The following CAMTA1 variants were observed in gnomAD, a reference collection of about 807,000 sequenced individuals.
The protein encoded by CAMTA1 is calmodulin-binding transcription activator 1.
Under a neutral mutation model 170.9 loss-of-function variants are expected in CAMTA1, and 27 were observed. That is an observed-to-expected ratio of 0.16 (90% CI 0.12 to 0.22). CAMTA1 has a LOEUF of 0.22. Among genes scored for constraint, CAMTA1 ranks in the 10% least tolerant of loss-of-function variants. The pLI, the probability that CAMTA1 is intolerant of heterozygous loss-of-function variation, is 1.00. For synonymous variants in CAMTA1, 833 were observed against 891.5 expected, an observed-to-expected ratio of 0.93 and a Z score of 1.17; for missense variants, 1,619 against 2,217.2, an observed-to-expected ratio of 0.73 and a Z score of 5.42.
intron 6 of CAMTA1, among the ~76,000 whole-genome samples, chr1:7,489,976 C>T (rs572655449): frequency 4.6e-5 from 7 of 152,300 alleles, no homozygotes; most frequent in East Asian, 1.9e-4. Flanking sequence ...CTTGGATCCC[C>T]GAGGAAATGT....
chr1:7,706,863 C>T (rs1171030010), intron 11 of CAMTA1, among the ~76,000 whole-genome samples: 4 of 147,982 alleles, frequency 2.7e-5, no homozygotes, highest in Non-Finnish European at 5.9e-5. Context: ...GATACCCTGG[C>T]GGATGCATTA....
rs796066960 is a variant in CAMTA1 at position 7,352,103 on chromosome 1, GC to G, written c.438+102479del. 1.8e-3 allele frequency among the ~76,000 whole-genome samples: 259 copies of G among 146,074 alleles called. 2 individuals carry two copies. The highest frequency in any genetic ancestry group is 6.9e-3 in the African/African-American group (247 of 35,864). On this transcript the variant is annotated intron_variant, in intron 5 of 22. Transcript: ENST00000303635. Reference sequence around the variant, plus strand: ...GCACTGGCTCCCCCGCCATGGCTGGGCCAGGATTCCAGGAGAGAGGGAAGGA... The same window carrying G: ...GCACTGGCTCCCCCGCCATGGCTGGGCAGGATTCCAGGAGAGAGGGAAGGA...
intron 3 of CAMTA1, among the ~76,000 whole-genome samples, chr1:6,984,209 T>A (rs1204931449): frequency 1.8e-5 from 2 of 112,966 alleles, no homozygotes; most frequent in Admixed American, 2.0e-4. Flanking sequence ...GGTGGGTTGA[T>A]GGGTGGGTGG....
In CAMTA1 at chr1:7,633,945, A is replaced by G. The variant is rs1299529745; in HGVS notation, c.511-6455A>G. Among the ~76,000 whole-genome samples, 3 of 152,182 alleles carry G rather than the reference A, an allele frequency of 2.0e-5. No individual in the cohort carries two copies. Among genetic ancestry groups the G allele is most frequent in the African/African-American group, 7.2e-5 (3 of 41,436 alleles). On this transcript the variant is annotated intron_variant, in intron 6 of 22. Coordinates refer to ENST00000303635, the MANE Select transcript of CAMTA1 (RefSeq NM_015215.4). The surrounding 1 kb of genome is among the most constrained non-coding windows in gnomAD (Gnocchi z 4.1). ...GTGGCATGGAGCGTGGCAGCCAGAG[A>G]CCACAGCCCAGGGAGAGAAGCGGCA...
In CAMTA1 at chr1:7,664,765, G is replaced by C; in HGVS notation, c.2218G>C (p.Val740Leu). 6.2e-7 allele frequency: 1 copy of C among 1,609,542 alleles called. No individual in the cohort carries two copies. Among genetic ancestry groups the C allele is most frequent in the Non-Finnish European group, 8.5e-7 (1 of 1,177,146 alleles). ...CGGCGTCCCCATCCTCCCGGGCAAC[G>C]TGGTGCAGGGACTCTACCCCGTGGC... ...AGGVPILPGN[V>L]VQGLYPVAQP... Residue 740 changes from valine (V) to leucine (L), a missense_variant, in exon 9 of 23, where the codon GTG (valine) becomes CTG (leucine). This residue lies in a region of CAMTA1 where 731 missense variants were observed against 907.6 expected (regional missense o/e 0.81). Transcript: ENST00000303635.
chr1:7,596,907 C>T lies in CAMTA1; in HGVS notation c.511-43493C>T, dbSNP rs578050613. Reference sequence around the variant, plus strand: ...TGACAAGATGACAGACATGCAGTAACTCCTAGCATGAGCAGAACTGATGCC... The same window carrying T: ...TGACAAGATGACAGACATGCAGTAATTCCTAGCATGAGCAGAACTGATGCC... On this transcript the variant is annotated intron_variant, in intron 6 of 22. Transcript: ENST00000303635. Among the ~76,000 whole-genome samples the T allele has an allele frequency of 3.0e-5, 4 of 135,568 alleles. No homozygotes were observed. The South Asian group carries it at 7.1e-4, about 24-fold the overall frequency. The allele number at this position is 135,568 out of a possible 152,430, so 88.9% of individuals were successfully genotyped here. A position where few individuals can be genotyped will look rare whatever the true frequency, so the allele number is the denominator to read the frequency against.
chr1:7,466,856 C>G (rs555296753), intron 5 of CAMTA1, among the ~76,000 whole-genome samples: 16 of 152,296 alleles, frequency 1.1e-4, no homozygotes, highest in African/African-American at 2.6e-4. Flanking sequence ...TTGAGACTTC[C>G]CTCTCCAAAT....
At chr1:6,968,627 G>A (rs1204672137) in intron 3 of CAMTA1, among the ~76,000 whole-genome samples, 1 of 152,144 alleles carries the variant, frequency 6.6e-6, no homozygotes, top group African/African-American at 2.4e-5. Flanking sequence ...GGAAGCACAA[G>A]GGGTTACTGG....
intron 5 of CAMTA1, among the ~76,000 whole-genome samples, chr1:7,272,276 A>G (rs1338994784): frequency 6.6e-6 from 1 of 152,126 alleles, no homozygotes; most frequent in Non-Finnish European, 1.5e-5. Context: ...AAGACATCTC[A>G]TGTTGTTGGA....
intron 16 of CAMTA1, among the ~76,000 whole-genome samples, chr1:7,740,503 G>A (rs1216977518): frequency 1.3e-5 from 2 of 152,106 alleles, no homozygotes; most frequent in African/African-American, 4.8e-5. Flanking sequence ...AGATTACATC[G>A]AAAATCAGCA....
Position 7,586,396 on chromosome 1 carries a change from A to G in CAMTA1, c.511-54004A>G, listed in dbSNP as rs140659400. 1.8e-4 allele frequency among the ~76,000 whole-genome samples: 28 copies of G among 152,296 alleles called. 2 individuals carry two copies. In the East Asian group the frequency reaches 5.2e-3, roughly 28 times the overall value. On this transcript the variant is annotated intron_variant, in intron 6 of 22. Transcript: ENST00000303635. ...TCCCCAGAGGCCCGAGATAAAGCCC[A>G]TGCTGCAAGCCAAGGGCACTCTTCA...
intron 3 of CAMTA1, among the ~76,000 whole-genome samples, chr1:6,977,855 A>G (rs930996020): frequency 6.6e-6 from 1 of 152,270 alleles, no homozygotes; most frequent in African/African-American, 2.4e-5. Flanking sequence ...ATTTATACAC[A>G]ACAGAGTACC....
chr1:7,294,865 A>G (rs1673692882), intron 5 of CAMTA1, among the ~76,000 whole-genome samples: 1 of 152,124 alleles, frequency 6.6e-6, no homozygotes, highest in Admixed American at 6.5e-5. Context: ...AAGGCCCTTG[A>G]TCACAAGTGT....
At chr1:7,632,855 C>T (rs1410178460) in intron 6 of CAMTA1, among the ~76,000 whole-genome samples, 1 of 152,254 alleles carries the variant, frequency 6.6e-6, no homozygotes, top group African/African-American at 2.4e-5. Context: ...TTGCGCACGC[C>T]CAGGCGTGGG....
At chr1:7,491,978 T>C (rs1051108886) in intron 6 of CAMTA1, among the ~76,000 whole-genome samples, 6 of 152,120 alleles carry the variant, frequency 3.9e-5, no homozygotes, top group Non-Finnish European at 8.8e-5. Context: ...GATTGCCACA[T>C]TGTGGATGTC....
At chr1:6,947,538 G>A (rs1425471823) in intron 3 of CAMTA1, among the ~76,000 whole-genome samples, 3 of 138,308 alleles carry the variant, frequency 2.2e-5, no homozygotes, top group Non-Finnish European at 4.6e-5. Context: ...GTGTCACCAT[G>A]CCTGACTAAT....
At chr1:7,715,758 A>G (rs2096604958) in intron 11 of CAMTA1, among the ~76,000 whole-genome samples, 1 of 152,216 alleles carries the variant, frequency 6.6e-6, no homozygotes, top group Non-Finnish European at 1.5e-5. Context: ...TAGGGTGCCA[A>G]GGGATACTCA....
At chr1:7,189,463 T>C (rs1258546668) in intron 4 of CAMTA1, among the ~76,000 whole-genome samples, 1 of 152,096 alleles carries the variant, frequency 6.6e-6, no homozygotes, top group Non-Finnish European at 1.5e-5. Flanking sequence ...CATCAGAAAG[T>C]AGGCTAAGGA....
intron 3 of CAMTA1, among the ~76,000 whole-genome samples, chr1:6,832,573 T>C (rs1277240567): frequency 6.6e-6 from 1 of 152,164 alleles, no homozygotes; most frequent in Non-Finnish European, 1.5e-5. Context: ...GGGGGGATCA[T>C]TTAAGACTCT....
Sources: gnomAD v4.1 joint callset for allele counts (sites outside exome capture counted in the v4.1 genomes callset) on GRCh38, gnomAD v4.1.1 for gene constraint, gnomAD v4.1.1 regional missense constraint, Gnocchi (gnomAD v3.1) non-coding constraint, MANE v1.5 for transcripts, NCBI Gene and HGNC (gene_info 2026-07-23, HGNC 2026-07-21) for gene names.